The following FAM200B variants were observed in gnomAD, a reference collection of about 807,000 sequenced individuals.
The protein encoded by FAM200B is protein FAM200B.
In FAM200B, 32 loss-of-function variants were observed where a neutral mutation model predicts 33.1. That is an observed-to-expected ratio of 0.97 (90% CI 0.73 to 1.30). FAM200B has a LOEUF of 1.30. Ranked by LOEUF, FAM200B falls within the 50% of genes most tolerant of loss-of-function variation. The pLI is 0.00. For missense variants in FAM200B, 741 were observed against 754.0 expected (o/e 0.98, Z 0.20); for synonymous variants, 240 against 264.8 (o/e 0.91, Z 0.91).
upstream of FAM200B, chr4:15,681,472 ACT>A (rs1268887999): frequency 6.0e-6 from 1 of 167,136 alleles, no homozygotes; most frequent in Non-Finnish European, 1.4e-5. Context: ...TGGCTCTGGG[ACT>A]CTGTCCGGAC....
chr4:15,679,577 AC>A (rs370573139), upstream of FAM200B, among the ~76,000 whole-genome samples: 466 of 150,494 alleles, frequency 3.1e-3, 2 homozygotes, highest in Admixed American at 6.4e-3. Flanking sequence ...AAAAAAAAAA[AC>A]AAAAAAACAA....
the FAM200B span, among the ~76,000 whole-genome samples, chr4:15,666,023 TA>T: frequency 8.2e-4 from 121 of 148,148 alleles, no homozygotes; most frequent in African/African-American, 1.8e-3. Flanking sequence ...AACCTTTTTT[TA>T]AAAAAAAAAA....
chr4:15,680,418 C>A (rs1242876106), upstream of FAM200B, among the ~76,000 whole-genome samples: 1 of 152,176 alleles, frequency 6.6e-6, no homozygotes, highest in Admixed American at 6.5e-5. Flanking sequence ...CCCCTGTAAT[C>A]CCAGCACTTT....
chr4:15,649,267 T>C, the FAM200B span, among the ~76,000 whole-genome samples: 6 of 152,026 alleles, frequency 3.9e-5, no homozygotes, highest in South Asian at 1.2e-3. Flanking sequence ...TACCTAAAGT[T>C]AGTAAATTTA....
Position 15,687,557 on chromosome 4 carries a change from A to C in FAM200B, c.580A>C (p.Ile194Leu), listed in dbSNP as rs765481474. 9.7e-6 allele frequency: 15 copies of C among 1,549,906 alleles called. No individual in the cohort carries two copies. The highest frequency in any genetic ancestry group is 1.2e-5 in the Non-Finnish European group (14 of 1,145,926). Reference protein sequence around the residue: ...DDKSADKLKTIPNDNTVSLRI... With the variant: ...DDKSADKLKTLPNDNTVSLRI... ...TAAATCAGCTGATAAATTAAAAACT[A>C]TACCTAATGATAACACAGTATCTCT... Residue 194 changes from isoleucine to leucine, a missense_variant, in exon 2 of 2, where the codon ATA (isoleucine) becomes CTA (leucine). By Grantham distance (5) the Ile-to-Leu change is conservative. Coordinates refer to ENST00000422728, the MANE Select transcript of FAM200B (RefSeq NM_001145191.2).
chr4:15,656,263 CTGGCCCTG>C, the FAM200B span: 13 of 456,102 alleles, frequency 2.9e-5, no homozygotes, highest in South Asian at 2.0e-4. Flanking sequence ...CATAAATCGC[CTGGCCCTG>C]GCCACAGACC....
At chr4:15,638,064 A>G in the FAM200B span, among the ~76,000 whole-genome samples, 1 of 152,182 alleles carries the variant, frequency 6.6e-6, no homozygotes, top group Non-Finnish European at 1.5e-5. Flanking sequence ...AACTATAAAC[A>G]TAACTAATTT....
chr4:15,655,767 G>A, the FAM200B span, among the ~76,000 whole-genome samples: 1 of 152,188 alleles, frequency 6.6e-6, no homozygotes, highest in Admixed American at 6.5e-5. Context: ...TGGCCTGGGT[G>A]ACCAATGCTT....
chr4:15,668,076 A>G, the FAM200B span, among the ~76,000 whole-genome samples: 13,570 of 151,590 alleles, frequency 0.09, 769 homozygotes, highest in Non-Finnish European at 0.13. Context: ...CAATTTAACT[A>G]TCAACTTAAT....
the FAM200B span, among the ~76,000 whole-genome samples, chr4:15,644,229 T>G: frequency 5.9e-5 from 9 of 152,220 alleles, no homozygotes; most frequent in Non-Finnish European, 1.2e-4. Flanking sequence ...TAGTTTTCCA[T>G]CCACTCTTCC....
the FAM200B span, among the ~76,000 whole-genome samples, chr4:15,665,777 A>C: frequency 2.0e-5 from 3 of 152,330 alleles, no homozygotes; most frequent in East Asian, 5.8e-4. Context: ...CTTAAATTTA[A>C]GGGAAAAAAA....
chr4:15,680,989 C>CA (rs56262785), upstream of FAM200B, among the ~76,000 whole-genome samples: 42,495 of 149,328 alleles, frequency 0.28, 6,288 homozygotes, highest in East Asian at 0.47. Context: ...ATCTCAACCA[C>CA]AAAAAAATTT....
the FAM200B span, chr4:15,660,017 A>C: frequency 1.3e-5 from 2 of 152,160 alleles, no homozygotes; most frequent in Non-Finnish European, 1.5e-5. Context: ...ATCCCTGCCT[A>C]CAGAGAGGGG....
At chr4:15,646,277 T>C in the FAM200B span, among the ~76,000 whole-genome samples, 1 of 152,132 alleles carries the variant, frequency 6.6e-6, no homozygotes, top group African/African-American at 2.4e-5. Flanking sequence ...TTTGATTTTT[T>C]CCAACTATTT....
the FAM200B span, among the ~76,000 whole-genome samples, chr4:15,668,200 G>T: frequency 2.6e-5 from 4 of 151,162 alleles, no homozygotes; most frequent in Non-Finnish European, 5.9e-5. Flanking sequence ...GACAAAAAAA[G>T]TATCAGTTGT....
At chr4:15,672,660 T>C in the FAM200B span, among the ~76,000 whole-genome samples, 1 of 152,176 alleles carries the variant, frequency 6.6e-6, no homozygotes, top group African/African-American at 2.4e-5. Context: ...CAGTGAGTGG[T>C]GAGTGAAAGT....
chr4:15,678,397 C>G (rs568365410), upstream of FAM200B, among the ~76,000 whole-genome samples: 1 of 152,250 alleles, frequency 6.6e-6, no homozygotes, highest in African/African-American at 2.4e-5. Context: ...GAAACAAAAA[C>G]AAATGAAAAC....
At chr4:15,640,890 A>T in the FAM200B span, 21 of 1,380,546 alleles carry the variant, frequency 1.5e-5, no homozygotes, top group African/African-American at 2.7e-4. Flanking sequence ...CATTCTGGAA[A>T]CCAAAAAAAA....
At chr4:15,638,121 T>C in the FAM200B span, among the ~76,000 whole-genome samples, 2 of 152,164 alleles carry the variant, frequency 1.3e-5, no homozygotes, top group Non-Finnish European at 1.5e-5. Flanking sequence ...GCAGCCACTA[T>C]GGTCAATAAA....
Sources: allele counts gnomAD v4.1 joint callset (sites outside exome capture counted in the v4.1 genomes callset), GRCh38; gene constraint gnomAD v4.1.1; transcripts MANE v1.5; gene names NCBI Gene and HGNC (gene_info 2026-07-23, HGNC 2026-07-21).